POLN: variants seen among roughly 807,000 people sequenced by gnomAD.
POLN encodes DNA polymerase N.
A neutral mutation model predicts 113.5 loss-of-function variants in POLN; 108 were observed. The ratio of observed to expected loss-of-function variants is 0.95; its 90% CI spans 0.81 to 1.12. The LOEUF is 1.12. POLN is among the 50% of genes most tolerant of loss of function. POLN has a pLI of 0.00. For synonymous variants in POLN, 386 were observed against 391.5 expected (o/e 0.99, Z 0.17); for missense variants, 1,097 against 1,077.1 (o/e 1.02, Z -0.26).
chr4:2,157,965 G>GT (rs1218240988), intron 14 of POLN, 54 bp from the exon 15 acceptor site: 2 of 1,424,642 alleles, frequency 1.4e-6, no homozygotes, highest in Admixed American at 1.8e-5. Flanking sequence ...GTCTTTTTTT[G>GT]TGGGGGGAAG....
At chr4:2,090,871 A>T (rs1244927382) in intron 20 of POLN, among the ~76,000 whole-genome samples, 1 of 152,340 alleles carries the variant, frequency 6.6e-6, no homozygotes, top group South Asian at 2.1e-4. Flanking sequence ...GCAGAGTTCA[A>T]ACCTAGAATT....
chr4:2,112,183 A>C (rs1489622799), intron 19 of POLN, among the ~76,000 whole-genome samples: 22 of 152,268 alleles, frequency 1.4e-4, no homozygotes, highest in Admixed American at 1.4e-3. Flanking sequence ...GGCTAGCCAT[A>C]TGTAGAAAGC....
intron 13 of POLN, among the ~76,000 whole-genome samples, chr4:2,166,241 G>T (rs1454663685): frequency 2.0e-5 from 3 of 152,136 alleles, no homozygotes; most frequent in Non-Finnish European, 4.4e-5. Context: ...ATTCTTCTCA[G>T]TCACAAGGCT....
At chr4:2,085,214 T>TGTG (rs567324166) in intron 21 of POLN, among the ~76,000 whole-genome samples, 2 of 152,360 alleles carry the variant, frequency 1.3e-5, no homozygotes, top group South Asian at 2.1e-4. Flanking sequence ...TTCATTGCAC[T>TGTG]GTGGTCACAG....
chr4:2,076,040 C>A (rs1730266935), intron 23 of POLN, among the ~76,000 whole-genome samples: 1 of 152,172 alleles, frequency 6.6e-6, no homozygotes, highest in Non-Finnish European at 1.5e-5. Context: ...GAGCATCCAG[C>A]CAGCCCCAGC....
intron 2 of POLN, among the ~76,000 whole-genome samples, chr4:2,234,822 T>C (rs1290353658): frequency 6.6e-6 from 1 of 152,154 alleles, no homozygotes; most frequent in Non-Finnish European, 1.5e-5. Context: ...ACTTTAAACC[T>C]GGATATAACT....
intron 19 of POLN, among the ~76,000 whole-genome samples, chr4:2,099,609 T>C (rs1730876006): frequency 6.6e-6 from 1 of 152,146 alleles, no homozygotes; most frequent in East Asian, 1.9e-4. Flanking sequence ...TGTGGTGTCA[T>C]GGAGGGGGTC....
At chr4:2,165,276 G>C (rs1211925110) in intron 13 of POLN, among the ~76,000 whole-genome samples, 1 of 152,192 alleles carries the variant, frequency 6.6e-6, no homozygotes, top group Non-Finnish European at 1.5e-5. Context: ...GCTGTGAAAA[G>C]ACATGGAAGA....
chr4:2,235,213 G>A (rs1024846723), intron 2 of POLN, among the ~76,000 whole-genome samples: 4 of 152,158 alleles, frequency 2.6e-5, no homozygotes, highest in African/African-American at 9.7e-5. Flanking sequence ...ATCCACCATC[G>A]CAGTGGAAAT....
At chr4:2,191,259 C>T (rs563794769) in intron 7 of POLN, among the ~76,000 whole-genome samples, 50 of 152,208 alleles carry the variant, frequency 3.3e-4, no homozygotes, top group African/African-American at 1.1e-3. Flanking sequence ...AGATAAATAT[C>T]GCTCATATGT....
chr4:2,103,433 G>A (rs1021234601), intron 19 of POLN, among the ~76,000 whole-genome samples: 2 of 152,044 alleles, frequency 1.3e-5, no homozygotes, highest in African/African-American at 4.8e-5. Context: ...TAAAAAGAAT[G>A]AACAAAGCCT....
rs1380759028 is a variant in POLN, at chr4:2,208,473, T to TA, written c.227dup (p.Leu76PhefsTer28). 1.3e-6 allele frequency: 2 copies of TA among 1,546,056 alleles called. No homozygotes were observed. The highest frequency in any genetic ancestry group is 8.7e-7 in the Non-Finnish European group (1 of 1,151,816). The stretch of plus-strand genomic sequence containing the variant: ...CAGAACCTCTTGATGTCTGACTTCT[T>TA]AAAGATTTAAGATCCTACAGAAAAA... On this transcript the variant is annotated frameshift_variant, in exon 5 of 26. Coordinates refer to ENST00000511885, the MANE Select transcript of POLN (RefSeq NM_181808.4). LOFTEE classifies it high-confidence loss of function.
At chr4:2,115,870 G>A (rs13141668) in intron 19 of POLN, among the ~76,000 whole-genome samples, 23,321 of 152,146 alleles carry the variant, frequency 0.15, 2,417 homozygotes, top group Admixed American at 0.26. Flanking sequence ...TGTGGGGTCC[G>A]GAGTCTAAGA....
chr4:2,075,074 A>G (rs113589377), intron 24 of POLN, among the ~76,000 whole-genome samples: 2 of 152,216 alleles, frequency 1.3e-5, no homozygotes, highest in Admixed American at 1.3e-4. Context: ...CCAGCTCCGC[A>G]GCCCCCAATC....
intron 20 of POLN, chr4:2,088,681 G>C (rs3135059): frequency 0.91 from 779,259 of 859,728 alleles, 353,946 homozygotes; most frequent in Non-Finnish European, 0.92. Context: ...ATAAAAAGCT[G>C]TACAACAGCC....
chr4:2,198,604 T>A lies in POLN; in HGVS notation c.828A>T (p.Ser276=). Residue 276 remains serine, a synonymous_variant, in exon 6 of 26, where the codon TCA becomes TCT. Coordinates refer to ENST00000511885, the MANE Select transcript of POLN (RefSeq NM_181808.4). The stretch of plus-strand genomic sequence containing the variant: ...TTTGAATGTAGATGCATGGATCATC[T>A]GACACAAAGCCCTCCAGAACAGGAC... The part of the protein sequence containing the change: ...ACGPVLEGFV[S]DDPCIYIQIE... 1 of 1,614,016 alleles carries A rather than the reference T, an allele frequency of 6.2e-7. No individual in the cohort carries two copies. Among genetic ancestry groups the A allele is most frequent in the Middle Eastern group, 1.7e-4 (1 of 6,060 alleles).
At chr4:2,220,450 C>T (rs1021867420) in intron 3 of POLN, among the ~76,000 whole-genome samples, 1 of 152,238 alleles carries the variant, frequency 6.6e-6, no homozygotes, top group Admixed American at 6.5e-5. Context: ...AGTGATACCC[C>T]ATAGGTGGGT....
At chr4:2,220,713 CCT>C (rs1734233274) in intron 3 of POLN, among the ~76,000 whole-genome samples, 1 of 152,158 alleles carries the variant, frequency 6.6e-6, no homozygotes, top group Non-Finnish European at 1.5e-5. Context: ...TTAAACATTC[CCT>C]GTTCAAATTA....
intron 19 of POLN, among the ~76,000 whole-genome samples, chr4:2,108,473 C>A (rs1480693714): frequency 6.6e-6 from 1 of 152,000 alleles, no homozygotes; most frequent in Non-Finnish European, 1.5e-5. Context: ...GGATAGAATG[C>A]AGAATAAAAA....
Sources: allele counts gnomAD v4.1 joint callset (sites outside exome capture counted in the v4.1 genomes callset), GRCh38; gene constraint gnomAD v4.1.1; transcripts MANE v1.5; gene names NCBI Gene and HGNC (gene_info 2026-07-23, HGNC 2026-07-21).